CAPZB: variants seen among roughly 807,000 people sequenced by gnomAD.
CAPZB encodes the protein capping actin protein of muscle Z-line subunit beta.
CAPZB carries 2 observed loss-of-function variants against 38.1 expected under a neutral mutation model. The ratio of observed to expected loss-of-function variants is 0.05; its 90% confidence interval spans 0.02 to 0.17. CAPZB has a LOEUF of 0.17. Ranked by LOEUF, CAPZB falls within the 10% of genes least tolerant of loss-of-function variation. The pLI is 1.00. For synonymous variants in CAPZB, 107 were observed against 127.4 expected, an observed-to-expected ratio of 0.84 and a Z score of 1.08; for missense variants, 161 against 334.2, an observed-to-expected ratio of 0.48 and a Z score of 4.04.
At position 19,339,146 on chromosome 1, in the gene CAPZB, G is replaced by A; in HGVS notation, c.*384C>T. 1 of 205,204 alleles carries A rather than the reference G, an allele frequency of 4.9e-6. No homozygotes were observed. Among genetic ancestry groups the A allele is most frequent in the Non-Finnish European group, 9.9e-6 (1 of 100,588 alleles). The allele number at this position is 205,204 out of a possible 1,614,324, so 12.7% of individuals were successfully genotyped here. A position where few individuals can be genotyped will look rare whatever the true frequency, so the allele number is the denominator to read the frequency against. Reference sequence around the variant, plus strand: ...TTCTCTCTTTCACACACCACAGTTAGTTCATAAAATTTTTTTGTTTTACAT... The same window carrying A: ...TTCTCTCTTTCACACACCACAGTTAATTCATAAAATTTTTTTGTTTTACAT... On this transcript the variant is annotated 3_prime_UTR_variant, in exon 9 of 9. Coordinates refer to ENST00000264202, the MANE Select transcript of CAPZB (RefSeq NM_004930.5).
At chr1:19,434,933 ACAGAACAAGGGGCC>A (rs1558258668) in intron 1 of CAPZB, among the ~76,000 whole-genome samples, 3 of 139,982 alleles carry the variant, frequency 2.1e-5, no homozygotes, top group Non-Finnish European at 4.7e-5. Flanking sequence ...GTGGGTAGCC[ACAGAACAAGGGGCC>A]TGATAATCAA....
At chr1:19,404,562 A>AAAG (rs1553278535) in intron 2 of CAPZB, among the ~76,000 whole-genome samples, 60 of 143,314 alleles carry the variant, frequency 4.2e-4, no homozygotes, top group African/African-American at 1.5e-3. Flanking sequence ...AAAAAAAAAA[A>AAAG]AAGAGGTAAT....
At chr1:19,387,082 T>TAGGCCCTTTACAC (rs1553274906) in intron 2 of CAPZB, among the ~76,000 whole-genome samples, 1 of 16,970 alleles carries the variant, frequency 5.9e-5, no homozygotes, top group African/African-American at 5.9e-4. Context: ...CGCACTATGG[T>TAGGCCCTTTACAC]AGAGCATATT....
intron 4 of CAPZB, chr1:19,374,213 ATC>A (rs2094133652): frequency 6.6e-6 from 1 of 152,300 alleles, no homozygotes; most frequent in East Asian, 1.9e-4. Flanking sequence ...CTTGGGTCAA[ATC>A]TCTGTGTGAG....
chr1:19,484,426 G>A lies in CAPZB; in HGVS notation c.3+1010C>T, dbSNP rs1158583396. The A allele has an allele frequency of 1.3e-5, 20 of 1,517,516 alleles. No homozygotes were observed. In the South Asian group the frequency reaches 1.6e-4, roughly 12 times the overall value. 94.0% of individuals were successfully genotyped at this position (1,517,516 alleles called of 1,614,324 possible). On this transcript the variant is annotated intron_variant, in intron 1 of 8. Coordinates refer to ENST00000264202, the MANE Select transcript of CAPZB (RefSeq NM_004930.5). Reference sequence around the variant, plus strand: ...TCAGGCCCGGGCGCCGTGGACCCCGGCCTGCCCTGCAGAATGCTTCGCACG... The same window carrying A: ...TCAGGCCCGGGCGCCGTGGACCCCGACCTGCCCTGCAGAATGCTTCGCACG...
At chr1:19,473,135 C>A (rs4912104) in intron 1 of CAPZB, among the ~76,000 whole-genome samples, 132,935 of 152,114 alleles carry the variant, frequency 0.87, 60,033 homozygotes, top group East Asian at 1. Context: ...ACATCTGTTG[C>A]AATCACTAAC....
At chr1:19,484,319 C>T (rs1242169808) in intron 1 of CAPZB, 6 of 1,595,728 alleles carry the variant, frequency 3.8e-6, no homozygotes, top group Non-Finnish European at 4.3e-6. Flanking sequence ...CCTGGTGGCC[C>T]CCCAAGGCCA....
In CAPZB at chr1:19,366,283, AATAT is replaced by A. The variant is rs201882034; in HGVS notation, c.330-8724_330-8721del. On this transcript the variant is annotated intron_variant, in intron 4 of 8. Coordinates refer to ENST00000264202, the MANE Select transcript of CAPZB (RefSeq NM_004930.5). ...GCAACATAGTGAGACCGTGTCTTAAAATATATATATATATATATATATATATAAA... is the reference window on the plus strand; with the variant it reads ...GCAACATAGTGAGACCGTGTCTTAAAATATATATATATATATATATATAAA... 3.8e-3 allele frequency among the ~76,000 whole-genome samples: 230 copies of A among 60,494 alleles called. 19 individuals carry two copies. The highest frequency in any genetic ancestry group is 0.014 in the African/African-American group (217 of 15,702). 39.7% of individuals were successfully genotyped at this position (60,494 alleles called of 152,430 possible). A position where few individuals can be genotyped will look rare whatever the true frequency, so the allele number is the denominator to read the frequency against.
At chr1:19,400,817 C>G (rs1448546271) in intron 2 of CAPZB, among the ~76,000 whole-genome samples, 1 of 152,164 alleles carries the variant, frequency 6.6e-6, no homozygotes, top group African/African-American at 2.4e-5. Context: ...ATGCACTTCA[C>G]TTGAATTATG....
intron 1 of CAPZB, among the ~76,000 whole-genome samples, chr1:19,458,749 A>T (rs1281335845): frequency 6.6e-6 from 1 of 152,266 alleles, no homozygotes; most frequent in Non-Finnish European, 1.5e-5. Flanking sequence ...ATCTGTAAAC[A>T]CATGTGACAC....
At chr1:19,396,795 A>G (rs1304925890) in intron 2 of CAPZB, among the ~76,000 whole-genome samples, 1 of 151,618 alleles carries the variant, frequency 6.6e-6, no homozygotes, top group Non-Finnish European at 1.5e-5. Context: ...ACAAAAAAAA[A>G]AAAAAAAAGA....
intron 2 of CAPZB, among the ~76,000 whole-genome samples, chr1:19,402,779 G>A (rs2094309940): frequency 6.6e-6 from 1 of 152,100 alleles, no homozygotes; most frequent in African/African-American, 2.4e-5. Flanking sequence ...TGGGAGCGGT[G>A]GCTCACCTCT....
At chr1:19,361,509 C>T (rs889968901) in intron 4 of CAPZB, among the ~76,000 whole-genome samples, 6 of 152,240 alleles carry the variant, frequency 3.9e-5, no homozygotes, top group African/African-American at 1.4e-4. Flanking sequence ...GCCATCAGGG[C>T]GCTCCGGCAC....
intron 2 of CAPZB, among the ~76,000 whole-genome samples, chr1:19,418,373 C>T (rs947440022): frequency 1.3e-5 from 2 of 152,060 alleles, no homozygotes; most frequent in South Asian, 2.1e-4. Context: ...GGCTCCTGGC[C>T]GGGGACCCCT....
intron 2 of CAPZB, among the ~76,000 whole-genome samples, chr1:19,389,267 A>C (rs539558498): frequency 1.3e-5 from 2 of 152,008 alleles, no homozygotes; most frequent in African/African-American, 2.4e-5. Context: ...ACACGGTCCC[A>C]TTCACCACTC....
At chr1:19,427,575 C>T (rs1292566188) in intron 1 of CAPZB, among the ~76,000 whole-genome samples, 2 of 152,254 alleles carry the variant, frequency 1.3e-5, no homozygotes, top group East Asian at 3.8e-4. Context: ...GAGAAGGAAT[C>T]CTGGGCCGGC....
chr1:19,391,391 T>C (rs760803343), intron 2 of CAPZB, among the ~76,000 whole-genome samples: 5 of 152,194 alleles, frequency 3.3e-5, no homozygotes, highest in African/African-American at 7.2e-5. Context: ...TTCCATCTTT[T>C]GATCTGCCTG....
At chr1:19,427,886 T>C (rs963016681) in intron 1 of CAPZB, among the ~76,000 whole-genome samples, 2 of 152,242 alleles carry the variant, frequency 1.3e-5, no homozygotes, top group Non-Finnish European at 2.9e-5. Flanking sequence ...CAATGTCATC[T>C]TTTTAAATTG....
intron 1 of CAPZB, among the ~76,000 whole-genome samples, chr1:19,439,394 C>A (rs1414199072): frequency 6.6e-6 from 1 of 152,204 alleles, no homozygotes; most frequent in Admixed American, 6.5e-5. Flanking sequence ...AATTAAAGGT[C>A]TTTTGTTCTT....
Sources: gnomAD v4.1 joint callset for allele counts (sites outside exome capture counted in the v4.1 genomes callset) on GRCh38, gnomAD v4.1.1 for gene constraint, MANE v1.5 for transcripts, NCBI Gene and HGNC (gene_info 2026-07-23, HGNC 2026-07-21) for gene names.